Variants in LEMD3 observed in about 807,000 individuals in gnomAD.
The protein encoded by LEMD3 is inner nuclear membrane protein Man1.
Under a neutral mutation model 95.2 loss-of-function variants are expected in LEMD3, and 33 were observed. That is an observed-to-expected ratio of 0.35 (90% CI 0.26 to 0.46). The LOEUF (loss-of-function observed/expected upper bound fraction) is 0.46. Among genes scored for constraint, LEMD3 ranks in the 20% least tolerant of loss-of-function variants. The pLI, the probability that LEMD3 is intolerant of heterozygous loss-of-function variation, is 1.00. For synonymous variants in LEMD3, 525 were observed against 474.6 expected (o/e 1.11, Z -1.38); for missense variants, 1,210 against 1,192.8 (o/e 1.01, Z -0.21).
intron 1 of LEMD3, among the ~76,000 whole-genome samples, chr12:65,198,658 A>G (rs1869503861): frequency 1.3e-5 from 2 of 152,130 alleles, no homozygotes; most frequent in Admixed American, 1.3e-4. Context: ...CAAGTCCCTC[A>G]TATAAAATTG....
At chr12:65,229,671 G>A (rs1870564478) in intron 4 of LEMD3, among the ~76,000 whole-genome samples, 1 of 152,116 alleles carries the variant, frequency 6.6e-6, no homozygotes, top group South Asian at 2.1e-4. Context: ...TTGGTTGTTT[G>A]TATGTCTTCT....
chr12:65,231,579 A>T (rs1328722075), intron 4 of LEMD3, among the ~76,000 whole-genome samples: 1 of 152,228 alleles, frequency 6.6e-6, no homozygotes, highest in East Asian at 1.9e-4. Context: ...GACCCTCTGT[A>T]GTCCCAGCTC....
intron 2 of LEMD3, 134 bp downstream of exon 2, chr12:65,211,097 A>G: frequency 1.5e-6 from 1 of 688,820 alleles, no homozygotes; most frequent in Non-Finnish European, 2.5e-6. Context: ...TCAACTTAAA[A>G]AAATAGTAAT....
chr12:65,175,511 A>G (rs564425241), intron 1 of LEMD3, among the ~76,000 whole-genome samples: 46 of 152,124 alleles, frequency 3.0e-4, no homozygotes, highest in South Asian at 2.5e-3. Context: ...CAGTTACTCA[A>G]TTTTCAAATC....
rs771144409 is a variant in LEMD3 at position 65,170,765 on chromosome 12, A to G, written c.1169A>G (p.Asn390Ser). 25 of 1,614,176 alleles carry G rather than the reference A, an allele frequency of 1.5e-5. No individual in the cohort carries two copies. Among genetic ancestry groups the G allele is most frequent in the African/African-American group, 2.7e-5 (2 of 75,024 alleles). ...DSSTGSLLKT[N>S]NHIGGGAFSV... ...TCAACAGGCTCCCTTCTGAAAACCAATAATCATATTGGCGGTGGGGCCTTC... is the reference window on the plus strand; with the variant it reads ...TCAACAGGCTCCCTTCTGAAAACCAGTAATCATATTGGCGGTGGGGCCTTC... Residue 390 changes from asparagine to serine, a missense_variant, in exon 1 of 13, where the codon AAT (asparagine) becomes AGT (serine). Physicochemically the swap from Asn to Ser is conservative, Grantham distance 46. This residue lies in a region of LEMD3 where 749 missense variants were observed against 622.9 expected (regional missense o/e 1.20). Transcript: ENST00000308330.
intron 1 of LEMD3, among the ~76,000 whole-genome samples, chr12:65,203,090 A>C (rs1869653846): frequency 6.6e-6 from 1 of 152,076 alleles, no homozygotes; most frequent in African/African-American, 2.4e-5. Flanking sequence ...CTTTGGATTT[A>C]ATTTATTCTC....
At chr12:65,194,858 T>TATAAATTATAATTTAGATTATAATTA in intron 1 of LEMD3, among the ~76,000 whole-genome samples, 3 of 148,432 alleles carry the variant, frequency 2.0e-5, no homozygotes, top group Non-Finnish European at 3.0e-5. Context: ...GATTATAATT[T>TATAAATTATAATTTAGATTATAATTA]ATAAATTATA....
chr12:65,184,925 T>C (rs1869013398), intron 1 of LEMD3, among the ~76,000 whole-genome samples: 1 of 152,156 alleles, frequency 6.6e-6, no homozygotes, highest in African/African-American at 2.4e-5. Flanking sequence ...TATCCTCTTC[T>C]CCTTTCTCTC....
At chr12:65,199,940 C>G (rs1869543556) in intron 1 of LEMD3, among the ~76,000 whole-genome samples, 1 of 151,846 alleles carries the variant, frequency 6.6e-6, no homozygotes, top group African/African-American at 2.4e-5. Flanking sequence ...AGGCAGGGAA[C>G]CTAAGGCTGA....
At chr12:65,190,419 TAC>T (rs1333665163) in intron 1 of LEMD3, among the ~76,000 whole-genome samples, 3 of 152,124 alleles carry the variant, frequency 2.0e-5, no homozygotes, top group Admixed American at 6.6e-5. Flanking sequence ...AGGAAACATA[TAC>T]AGTCTATTCT....
chr12:65,187,589 C>T (rs1869105451), intron 1 of LEMD3, among the ~76,000 whole-genome samples: 1 of 150,848 alleles, frequency 6.6e-6, no homozygotes, highest in Non-Finnish European at 1.5e-5. Flanking sequence ...GAATTATTCC[C>T]ACTTCCCCCC....
At chr12:65,188,723 A>G (rs552937302) in intron 1 of LEMD3, among the ~76,000 whole-genome samples, 1 of 152,288 alleles carries the variant, frequency 6.6e-6, no homozygotes, top group South Asian at 2.1e-4. Flanking sequence ...TGTCACCATT[A>G]TAGTGACTTA....
rs1868534995 is a variant in LEMD3, at chr12:65,171,090, A to G, written c.1494A>G (p.Thr498=). 3 of 1,613,368 alleles carry G rather than the reference A, an allele frequency of 1.9e-6. No individual in the cohort carries two copies. The highest frequency in any genetic ancestry group is 2.2e-5 in the East Asian group (1 of 44,890). The part of the protein sequence containing the change: ...LGLTYLGMRG[T]GVSEDGELSI... ...TGACTTACCTAGGAATGAGAGGGACAGGAGTATCTGAGGATGGAGAACTCA... is the reference window on the plus strand; with the variant it reads ...TGACTTACCTAGGAATGAGAGGGACGGGAGTATCTGAGGATGGAGAACTCA... Residue 498 remains threonine, a synonymous_variant, in exon 1 of 13, where the codon ACA becomes ACG. Coordinates refer to ENST00000308330, the MANE Select transcript of LEMD3 (RefSeq NM_014319.5).
At chr12:65,241,133 C>T (rs1870925774) in intron 9 of LEMD3, 46 bp downstream of exon 9, 5 of 1,509,106 alleles carry the variant, frequency 3.3e-6, no homozygotes, top group Non-Finnish European at 4.6e-6. Context: ...TCTAATTTTT[C>T]AAAATGACAA....
Position 65,231,235 on chromosome 12 carries a change from C to T in LEMD3, c.1696-7267C>T, listed in dbSNP as rs112883961. 3.8e-3 allele frequency among the ~76,000 whole-genome samples: 575 copies of T among 151,994 alleles called. 4 individuals carry two copies. Among genetic ancestry groups the T allele is most frequent in the African/African-American group, 0.013 (548 of 41,442 alleles). ...GTTTTTCAAATGCTATAAAACCTGC[C>T]GTGGTTTGTCACCACCATAGACGCA... On this transcript the variant is annotated intron_variant, in intron 4 of 12. Coordinates refer to ENST00000308330, the MANE Select transcript of LEMD3 (RefSeq NM_014319.5).
intron 3 of LEMD3, among the ~76,000 whole-genome samples, chr12:65,216,538 C>A (rs113641917): frequency 6.3e-4 from 96 of 151,902 alleles, no homozygotes; most frequent in African/African-American, 2.2e-3. Flanking sequence ...TCAACTTGTC[C>A]GAAATGGGAA....
Position 65,169,629 on chromosome 12 carries a change from G to C in LEMD3, c.33G>C (p.Gln11His). 1 of 1,589,474 alleles carries C rather than the reference G, an allele frequency of 6.3e-7. No individual in the cohort carries two copies. The highest frequency in any genetic ancestry group is 8.5e-7 in the Non-Finnish European group (1 of 1,170,062). MAAAAASAPQ[Q>H]LSDEELFSQL... ...CGGCAGCAGCTTCGGCGCCTCAGCAGCTCTCGGATGAGGAGCTTTTCTCTC... is the reference window on the plus strand; with the variant it reads ...CGGCAGCAGCTTCGGCGCCTCAGCACCTCTCGGATGAGGAGCTTTTCTCTC... The change falls in exon 1 of 13, where the codon CAG (glutamine) becomes CAC (histidine). Residue 11 changes from glutamine (Q) to histidine (H), a missense_variant. By Grantham distance (24) the Gln-to-His change is conservative. Transcript: ENST00000308330.
At chr12:65,235,101 A>C (rs992882808) in intron 4 of LEMD3, among the ~76,000 whole-genome samples, 2 of 152,130 alleles carry the variant, frequency 1.3e-5, no homozygotes, top group Non-Finnish European at 2.9e-5. Context: ...TAATATATGC[A>C]TGTATTTGAA....
At chr12:65,175,480 T>A (rs1282308784) in intron 1 of LEMD3, among the ~76,000 whole-genome samples, 1 of 152,192 alleles carries the variant, frequency 6.6e-6, no homozygotes, top group East Asian at 1.9e-4. Context: ...ATTCCTCTGC[T>A]ACCTCTCTTC....
Sources: allele counts gnomAD v4.1 joint callset (sites outside exome capture counted in the v4.1 genomes callset), GRCh38; gene constraint gnomAD v4.1.1; regional missense constraint gnomAD v4.1.1; transcripts MANE v1.5; gene names NCBI Gene and HGNC (gene_info 2026-07-23, HGNC 2026-07-21).